The following FBN3 variants were observed in gnomAD, a reference collection of about 807,000 sequenced individuals.
The protein encoded by FBN3 is fibrillin-3.
FBN3 carries 234 observed loss-of-function variants against 330.1 expected under a neutral mutation model. That is an observed-to-expected ratio of 0.71 (90% CI 0.64 to 0.79). FBN3 has a LOEUF of 0.79. Among genes scored for constraint, FBN3 ranks in the 30% least tolerant of loss-of-function variants. The pLI is 0.00. For synonymous variants in FBN3, 1,458 were observed against 1,517.3 expected (o/e 0.96, Z 0.91); for missense variants, 3,606 against 3,886.9 (o/e 0.93, Z 1.92).
At chr19:8,114,104 T>A (rs1379126851) in intron 30 of FBN3, among the ~76,000 whole-genome samples, 1 of 152,058 alleles carries the variant, frequency 6.6e-6, no homozygotes, top group Non-Finnish European at 1.5e-5. Context: ...ATGACACATC[T>A]ACAAGCTGAG....
In FBN3 at chr19:8,117,474, C is replaced by A. The variant is rs867268694; in HGVS notation, c.3453G>T (p.Gln1151His). Residue 1151 changes from glutamine to histidine, a missense_variant, in exon 27 of 64, where the codon CAG becomes CAT. Gln to His is a conservative substitution (Grantham distance 24). Transcript: ENST00000600128. The stretch of plus-strand genomic sequence containing the variant: ...TGGGCACAGTCTCACCCACGCAGCC[C>A]TGGCGGTCAGGTGTGCTCTGGAAGC... The part of the protein sequence containing the change: ...HAGFQSTPDR[Q>H]GCVDINECRV... 2 of 1,561,288 alleles carry A rather than the reference C, an allele frequency of 1.3e-6. No homozygotes were observed. Among genetic ancestry groups the A allele is most frequent in the East Asian group, 2.4e-5 (1 of 41,758 alleles).
At position 8,102,833 on chromosome 19, in the gene FBN3, T is replaced by C. The variant is rs758015132; in HGVS notation, c.4980A>G (p.Thr1660=). The change falls in exon 40 of 64, where the codon ACA becomes ACG. Residue 1660 remains threonine (T), a synonymous_variant. Coordinates refer to ENST00000600128, the MANE Select transcript of FBN3 (RefSeq NM_032447.5). ...CGTTGAAGGCCAGCTCATTTTGACATGTGCCGTTATAGTGCCGGAAGCAGA... is the reference window on the plus strand; with the variant it reads ...CGTTGAAGGCCAGCTCATTTTGACACGTGCCGTTATAGTGCCGGAAGCAGA... ...KSVCFRHYNG[T]CQNELAFNVT... 3.7e-6 allele frequency: 6 copies of C among 1,614,008 alleles called. No homozygotes were observed. Among genetic ancestry groups the C allele is most frequent in the African/African-American group, 2.7e-5 (2 of 74,904 alleles).
rs978888001 is a variant in FBN3 at position 8,109,904 on chromosome 19, C to G, written c.4334-151G>C. 2 of 816,992 alleles carry G rather than the reference C, an allele frequency of 2.4e-6. No individual in the cohort carries two copies. The highest frequency in any genetic ancestry group is 3.5e-6 in the Non-Finnish European group (2 of 566,774). 50.6% of individuals were successfully genotyped at this position (816,992 alleles called of 1,614,324 possible). A position where few individuals can be genotyped will look rare whatever the true frequency, so the allele number is the denominator to read the frequency against. On this transcript the variant is annotated intron_variant, in intron 34 of 63. Coordinates refer to ENST00000600128, the MANE Select transcript of FBN3 (RefSeq NM_032447.5). The surrounding 1 kb of genome is among the most constrained non-coding windows in gnomAD (Gnocchi z 5.2). ...TGTCATGTCCTTCCCTGGGAAGAAA[C>G]CTAAGGGGACAGGAGCCTCCAGTCT...
chr19:8,135,936 G>GCCTCCCCCCCCCCCC, intron 13 of FBN3, 25 bp downstream of exon 13: 1 of 668,778 alleles, frequency 1.5e-6, no homozygotes, highest in Non-Finnish European at 2.4e-6. Flanking sequence ...GGAAGCCCCT[G>GCCTCCCCCCCCCCCC]CCCACCCGCC....
At chr19:8,145,727 C>A in intron 5 of FBN3, 116 bp downstream of exon 5, 1 of 651,110 alleles carries the variant, frequency 1.5e-6, no homozygotes. Flanking sequence ...ACGTCCCCTG[C>A]AATCTCCAGT....
chr19:8,074,658 C>A (rs1329298156), intron 61 of FBN3: 1 of 159,138 alleles, frequency 6.3e-6, no homozygotes, highest in Non-Finnish European at 1.4e-5. Flanking sequence ...GCTAGCCCCC[C>A]AAATGGAGGG....
chr19:8,124,084 A>C (rs2082921095), intron 22 of FBN3, 76 bp from the exon 23 acceptor site: 1 of 1,279,962 alleles, frequency 7.8e-7, no homozygotes, highest in Non-Finnish European at 1.1e-6. Flanking sequence ...CCGCTCAGTC[A>C]CTCCCATCGG....
intron 13 of FBN3, 25 bp downstream of exon 13, chr19:8,135,936 G>GGGGGGGGGGGGGGGGGGGGGGGCCC: frequency 1.5e-6 from 1 of 668,776 alleles, no homozygotes; most frequent in Non-Finnish European, 2.4e-6. Flanking sequence ...GGAAGCCCCT[G>GGGGGGGGGGGGGGGGGGGGGGGCCC]CCCACCCGCC....
intron 8 of FBN3, among the ~76,000 whole-genome samples, chr19:8,140,558 G>T (rs762860315): frequency 1.3e-5 from 2 of 152,192 alleles, no homozygotes; most frequent in Non-Finnish European, 2.9e-5. Flanking sequence ...CCATGAATGT[G>T]TATTAAGTAT....
At chr19:8,135,936 G>GTACCC in intron 13 of FBN3, 25 bp downstream of exon 13, 2 of 668,778 alleles carry the variant, frequency 3.0e-6, no homozygotes, top group Non-Finnish European at 4.8e-6. Flanking sequence ...GGAAGCCCCT[G>GTACCC]CCCACCCGCC....
At chr19:8,084,833 C>T (rs1327290044) in intron 56 of FBN3, among the ~76,000 whole-genome samples, 3 of 151,988 alleles carry the variant, frequency 2.0e-5, no homozygotes, top group Non-Finnish European at 4.4e-5. Context: ...GGTGATCCGG[C>T]CGCCTCAGCC....
In FBN3 at chr19:8,096,659, C is replaced by T; in HGVS notation, c.5414-90G>A. On this transcript the variant is annotated intron_variant, in intron 43 of 63. Coordinates refer to ENST00000600128, the MANE Select transcript of FBN3 (RefSeq NM_032447.5). This position sits in a 1 kb window ranked among gnomAD's most constrained non-coding sequence, Gnocchi z 4.6. ...ACTGCAATGGGGAAGCCAGAATCTG[C>T]CTTGAAGTTCCCCACTCAAACTTCC... The T allele has an allele frequency of 6.7e-7, 1 of 1,497,562 alleles. No homozygotes were observed. Among genetic ancestry groups the T allele is most frequent in the Non-Finnish European group, 8.9e-7 (1 of 1,118,966 alleles). The allele number at this position is 1,497,562 out of a possible 1,614,324, so 92.8% of individuals were successfully genotyped here.
intron 37 of FBN3, among the ~76,000 whole-genome samples, chr19:8,107,889 T>C (rs986005602): frequency 6.6e-6 from 1 of 150,684 alleles, no homozygotes. Context: ...GATGGGTGGA[T>C]GGAAGGATAA....
chr19:8,100,755 T>A, intron 41 of FBN3, 146 bp downstream of exon 41: 1 of 677,646 alleles, frequency 1.5e-6, no homozygotes, highest in Non-Finnish European at 2.7e-6. Flanking sequence ...GCAGGATTCC[T>A]GGGGAGTTGG....
Position 8,129,930 on chromosome 19 carries a change from C to T in FBN3, c.2045-565G>A, listed in dbSNP as rs558528899. ...TTTTTTTTTTTGAGATAGGGTCTCACTCTGTCGCACAGGCTGGAGTGCAGT... is the reference window on the plus strand; with the variant it reads ...TTTTTTTTTTTGAGATAGGGTCTCATTCTGTCGCACAGGCTGGAGTGCAGT... On this transcript the variant is annotated intron_variant, in intron 16 of 63. Coordinates refer to ENST00000600128, the MANE Select transcript of FBN3 (RefSeq NM_032447.5). This position sits in a 1 kb window ranked among gnomAD's most constrained non-coding sequence, Gnocchi z 4.5. Among the ~76,000 whole-genome samples the T allele has an allele frequency of 3.3e-5, 5 of 151,536 alleles. No homozygotes were observed. The highest frequency in any genetic ancestry group is 1.3e-4 in the Admixed American group (2 of 15,204).
At position 8,115,559 on chromosome 19, in the gene FBN3, C is replaced by G. The variant is rs753005739; in HGVS notation, c.3794G>C (p.Cys1265Ser). ...ENTKGSFVCH[C>S]QLGYMVRKGA... is the part of the protein sequence containing the mutation. The stretch of plus-strand genomic sequence containing the variant: ...CTTCCTGACCATGTAGCCCAGCTGA[C>G]AGTGGCAGACAAAGGAACCCTTCGT... The change falls in exon 30 of 64, where the codon TGT becomes TCT. Residue 1265 changes from cysteine (C) to serine (S), a missense_variant. Transcript: ENST00000600128. 1 of 1,614,002 alleles carries G rather than the reference C, an allele frequency of 6.2e-7. No individual in the cohort carries two copies. Among genetic ancestry groups the G allele is most frequent in the African/African-American group, 1.3e-5 (1 of 74,914 alleles).
chr19:8,078,104 A>G (rs1323581586), intron 59 of FBN3, among the ~76,000 whole-genome samples: 1 of 152,086 alleles, frequency 6.6e-6, no homozygotes, highest in African/African-American at 2.4e-5. Flanking sequence ...AATGTCTGCC[A>G]CCACCCACAA....
At chr19:8,104,449 C>T (rs1011551353) in intron 38 of FBN3, among the ~76,000 whole-genome samples, 2 of 146,192 alleles carry the variant, frequency 1.4e-5, no homozygotes, top group African/African-American at 5.1e-5. Flanking sequence ...CCAGCCTGGA[C>T]AACAGAGTGA....
intron 47 of FBN3, among the ~76,000 whole-genome samples, chr19:8,093,433 C>T (rs1018596782): frequency 6.6e-6 from 1 of 152,080 alleles, no homozygotes; most frequent in Non-Finnish European, 1.5e-5. Flanking sequence ...AGCATCCTGG[C>T]TAACATGGTG....
Sources: allele counts gnomAD v4.1 joint callset (sites outside exome capture counted in the v4.1 genomes callset), GRCh38; gene constraint gnomAD v4.1.1; non-coding constraint Gnocchi (gnomAD v3.1); transcripts MANE v1.5; gene names NCBI Gene and HGNC (gene_info 2026-07-23, HGNC 2026-07-21).